SGCZ: variants seen among roughly 807,000 people sequenced by gnomAD.
SGCZ encodes the protein zeta-sarcoglycan.
Under a neutral mutation model 41.3 loss-of-function variants are expected in SGCZ, and 40 were observed. The observed-to-expected ratio is 0.97, with a 90% CI of 0.75 to 1.26. SGCZ has a LOEUF of 1.26. Ranked by LOEUF, SGCZ falls within the 50% of genes most tolerant of loss-of-function variation. SGCZ has a pLI of 0.00. For synonymous variants in SGCZ, 206 were observed against 137.5 expected (o/e 1.50, Z -3.49); for missense variants, 552 against 369.8 (o/e 1.49, Z -4.04).
intron 1 of SGCZ, among the ~76,000 whole-genome samples, chr8:14,775,524 G>A (rs937441785): frequency 6.6e-6 from 1 of 151,544 alleles, no homozygotes; most frequent in East Asian, 1.9e-4. Flanking sequence ...TAGAGATCAT[G>A]AGGAAAGGTA....
intron 2 of SGCZ, among the ~76,000 whole-genome samples, chr8:14,552,983 T>G (rs1024050183): frequency 6.6e-6 from 1 of 151,924 alleles, no homozygotes; most frequent in Non-Finnish European, 1.5e-5. Context: ...ATTTCAAAAT[T>G]TGGAGAATAT....
At chr8:15,091,127 T>A (rs940500113) in intron 1 of SGCZ, among the ~76,000 whole-genome samples, 2 of 152,208 alleles carry the variant, frequency 1.3e-5, no homozygotes, top group African/African-American at 4.8e-5. Flanking sequence ...TAAATAGACT[T>A]TTCTTTATAT....
intron 1 of SGCZ, among the ~76,000 whole-genome samples, chr8:14,712,641 T>G (rs111827163): frequency 1.3e-3 from 205 of 152,280 alleles, no homozygotes; most frequent in African/African-American, 4.7e-3. Flanking sequence ...GATTCCAGCC[T>G]CAACACACCC....
At chr8:15,168,392 C>T (rs1031690405) in intron 1 of SGCZ, among the ~76,000 whole-genome samples, 6 of 152,172 alleles carry the variant, frequency 3.9e-5, no homozygotes, top group African/African-American at 7.2e-5. Context: ...AGGCTACTGA[C>T]GGTAGGAAAG....
intron 2 of SGCZ, among the ~76,000 whole-genome samples, chr8:14,518,830 G>A (rs769199055): frequency 2.0e-5 from 3 of 150,696 alleles, no homozygotes; most frequent in Non-Finnish European, 4.4e-5. Context: ...GCCAAGGCAG[G>A]AGGATCACTT....
chr8:14,222,010 G>C (rs781691810), intron 4 of SGCZ, among the ~76,000 whole-genome samples: 3 of 151,998 alleles, frequency 2.0e-5, no homozygotes, highest in Non-Finnish European at 2.9e-5. Context: ...GGAGAGATTG[G>C]AATAAATGTA....
At chr8:14,857,217 C>A (rs374385978) in intron 1 of SGCZ, among the ~76,000 whole-genome samples, 1 of 152,164 alleles carries the variant, frequency 6.6e-6, no homozygotes, top group African/African-American at 2.4e-5. Context: ...CTGAGGCCTG[C>A]TCAGAAACCC....
At chr8:14,540,202 G>C (rs982659198) in intron 2 of SGCZ, among the ~76,000 whole-genome samples, 5 of 135,732 alleles carry the variant, frequency 3.7e-5, no homozygotes, top group Non-Finnish European at 4.7e-5. Flanking sequence ...GGAAAATAAT[G>C]GCTATTTTCT....
In SGCZ at chr8:14,815,254, T is replaced by C. The variant is rs565802250; in HGVS notation, c.40-260328A>G. Among the ~76,000 whole-genome samples the C allele has an allele frequency of 2.0e-5, 3 of 152,144 alleles. No homozygotes were observed. In the South Asian group the frequency reaches 6.2e-4, roughly 32 times the overall value. On this transcript the variant is annotated intron_variant, in intron 1 of 7. Transcript: ENST00000382080. ...ATTATCTCAATTTTCTTTTTTTTTT[T>C]TGAAATTTAGAAGCAAATAAAAAAT...
chr8:15,230,998 C>T (rs1563197274), intron 1 of SGCZ, among the ~76,000 whole-genome samples: 2 of 152,206 alleles, frequency 1.3e-5, no homozygotes, highest in South Asian at 4.1e-4. Flanking sequence ...CCAAGTACTA[C>T]TCTAACCAGA....
chr8:14,279,670 G>A lies in SGCZ; in HGVS notation c.337-41991C>T, dbSNP rs546227221. Reference sequence around the variant, plus strand: ...ATAGCTTCTTTGACTGCACAGCTTCGGGCAGGTTAAAGTCATGTGTATTAT... The same window carrying A: ...ATAGCTTCTTTGACTGCACAGCTTCAGGCAGGTTAAAGTCATGTGTATTAT... On this transcript the variant is annotated intron_variant, in intron 3 of 7. Coordinates refer to ENST00000382080, the MANE Select transcript of SGCZ (RefSeq NM_139167.4). Among the ~76,000 whole-genome samples the A allele has an allele frequency of 7.2e-5, 11 of 151,962 alleles. No individual in the cohort carries two copies. In the East Asian group the frequency reaches 1.2e-3, roughly 16 times the overall value.
chr8:15,170,070 A>G (rs13251091), intron 1 of SGCZ, among the ~76,000 whole-genome samples: 1 of 152,246 alleles, frequency 6.6e-6, no homozygotes, highest in Non-Finnish European at 1.5e-5. Context: ...CATTCAAAGA[A>G]CGTTTTAAAT....
At chr8:14,090,845 A>C (rs1348820207) in intron 7 of SGCZ, among the ~76,000 whole-genome samples, 1 of 152,068 alleles carries the variant, frequency 6.6e-6, no homozygotes, top group East Asian at 1.9e-4. Context: ...GAGATGGTGC[A>C]TTCTGACAGA....
chr8:14,532,795 C>T (rs1330933635), intron 2 of SGCZ, among the ~76,000 whole-genome samples: 1 of 151,300 alleles, frequency 6.6e-6, no homozygotes, highest in Non-Finnish European at 1.5e-5. Context: ...AAATTGACTA[C>T]AAAAACGTAA....
intron 1 of SGCZ, among the ~76,000 whole-genome samples, chr8:14,746,427 A>G (rs957603680): frequency 3.9e-5 from 6 of 152,190 alleles, no homozygotes; most frequent in African/African-American, 1.4e-4. Flanking sequence ...AAAAAACAAT[A>G]TAGCATTTCA....
At chr8:15,104,429 A>G (rs1806739011) in intron 1 of SGCZ, among the ~76,000 whole-genome samples, 1 of 152,220 alleles carries the variant, frequency 6.6e-6, no homozygotes, top group South Asian at 2.1e-4. Flanking sequence ...CTTTCTATGC[A>G]TGTGTATCTA....
At chr8:14,620,639 G>C (rs1271977677) in intron 1 of SGCZ, among the ~76,000 whole-genome samples, 1 of 152,104 alleles carries the variant, frequency 6.6e-6, no homozygotes, top group Admixed American at 6.6e-5. Flanking sequence ...GATACGAACA[G>C]ACACTTCTCA....
intron 2 of SGCZ, among the ~76,000 whole-genome samples, chr8:14,541,558 G>C (rs970824469): frequency 6.6e-6 from 1 of 151,992 alleles, no homozygotes; most frequent in East Asian, 1.9e-4. Context: ...GGGTATTTGG[G>C]TTGGTTCCAA....
chr8:14,727,324 C>A (rs760920761), intron 1 of SGCZ, among the ~76,000 whole-genome samples: 96 of 152,052 alleles, frequency 6.3e-4, no homozygotes, highest in Non-Finnish European at 1.2e-3. Flanking sequence ...GACAGTTTCA[C>A]CGTACCAACT....
Sources: gnomAD v4.1 joint callset for allele counts (sites outside exome capture counted in the v4.1 genomes callset) on GRCh38, gnomAD v4.1.1 for gene constraint, MANE v1.5 for transcripts, NCBI Gene and HGNC (gene_info 2026-07-23, HGNC 2026-07-21) for gene names.